The following GRM7 variants were observed in gnomAD, a reference collection of about 807,000 sequenced individuals.
GRM7 encodes the protein metabotropic glutamate receptor 7.
GRM7 carries 35 observed loss-of-function variants against 84.5 expected under a neutral mutation model. The observed-to-expected ratio is 0.41, with a 90% CI of 0.32 to 0.55. The LOEUF (loss-of-function observed/expected upper bound fraction) is 0.55, where lower values mean the gene tolerates loss of function less well. Ranked by LOEUF, GRM7 falls within the 20% of genes least tolerant of loss-of-function variation. The pLI is 0.19. For synonymous variants in GRM7, 487 were observed against 455.1 expected (o/e 1.07, Z -0.89); for missense variants, 1,003 against 1,194.6 (o/e 0.84, Z 2.36).
intron 2 of GRM7, among the ~76,000 whole-genome samples, chr3:7,193,888 A>G (rs1348971242): frequency 6.6e-6 from 1 of 152,146 alleles, no homozygotes; most frequent in Non-Finnish European, 1.5e-5. Flanking sequence ...GTGAGATGAC[A>G]TCCATTAGTG....
chr3:7,459,680 C>A (rs2124904766), intron 6 of GRM7, among the ~76,000 whole-genome samples: 1 of 152,200 alleles, frequency 6.6e-6, no homozygotes, highest in East Asian at 1.9e-4. Flanking sequence ...CCGCATGATT[C>A]AATTATGTCC....
At chr3:7,202,412 C>G (rs2125114806) in intron 2 of GRM7, among the ~76,000 whole-genome samples, 1 of 152,182 alleles carries the variant, frequency 6.6e-6, no homozygotes, top group African/African-American at 2.4e-5. Flanking sequence ...CTTACTGCAA[C>G]CTCTGCCTCC....
At chr3:7,095,023 G>A (rs144793445) in intron 1 of GRM7, among the ~76,000 whole-genome samples, 223 of 150,672 alleles carry the variant, frequency 1.5e-3, no homozygotes, top group African/African-American at 5.1e-3. Context: ...GCCCATCCCT[G>A]TTGCATTAAT....
chr3:7,190,242 T>C (rs1251974459), intron 2 of GRM7, among the ~76,000 whole-genome samples: 1 of 152,122 alleles, frequency 6.6e-6, no homozygotes, highest in African/African-American at 2.4e-5. Flanking sequence ...TTCAGAAGCA[T>C]GGTGATCAGA....
At position 7,174,345 on chromosome 3, in the gene GRM7, A is replaced by G. The variant is rs567497189; in HGVS notation, c.736+27677A>G. On this transcript the variant is annotated intron_variant, in intron 2 of 9. Coordinates refer to ENST00000357716, the MANE Select transcript of GRM7 (RefSeq NM_000844.4). ...AAGAAAAAGAAACCACTAAAAACAT[A>G]TTAAAGATAAGAGTGACATCATAGT... Among the ~76,000 whole-genome samples, 134 of 152,362 alleles carry G rather than the reference A, an allele frequency of 8.8e-4. No homozygotes were observed. The Middle Eastern group carries it at 0.01, about 12-fold the overall frequency.
At chr3:7,579,601 T>G (rs1695145755) in intron 8 of GRM7, among the ~76,000 whole-genome samples, 1 of 152,206 alleles carries the variant, frequency 6.6e-6, no homozygotes, top group South Asian at 2.1e-4. Flanking sequence ...ATAGAATTAT[T>G]AAATGTAATG....
intron 1 of GRM7, among the ~76,000 whole-genome samples, chr3:7,134,996 T>C (rs1345643673): frequency 1.3e-5 from 2 of 152,190 alleles, no homozygotes; most frequent in East Asian, 3.9e-4. Flanking sequence ...CACAGAATGC[T>C]GAAGGTGTTT....
intron 7 of GRM7, 100 bp downstream of exon 7, chr3:7,461,822 A>C (rs1007527029): frequency 9.2e-7 from 1 of 1,091,752 alleles, no homozygotes; most frequent in Non-Finnish European, 1.4e-6. Context: ...GTTTGTGTGC[A>C]TATACAAGTG....
At chr3:7,495,482 G>A (rs747563081) in intron 7 of GRM7, among the ~76,000 whole-genome samples, 7 of 152,088 alleles carry the variant, frequency 4.6e-5, no homozygotes, top group Admixed American at 1.3e-4. Flanking sequence ...GGGAGAAAAG[G>A]CTCAGACCCG....
At chr3:7,211,015 G>A (rs562441454) in intron 2 of GRM7, among the ~76,000 whole-genome samples, 83 of 152,144 alleles carry the variant, frequency 5.5e-4, no homozygotes, top group African/African-American at 1.9e-3. Context: ...TTCATTCCCA[G>A]GTGAAAAGGC....
rs372814664 is a variant in GRM7, at chr3:7,364,771, G to GT, written c.1034-50246dup. 2.2e-4 allele frequency among the ~76,000 whole-genome samples: 34 copies of GT among 151,908 alleles called. No individual in the cohort carries two copies. In the East Asian group the frequency reaches 6.4e-3, roughly 29 times the overall value. On this transcript the variant is annotated intron_variant, in intron 4 of 9. Coordinates refer to ENST00000357716, the MANE Select transcript of GRM7 (RefSeq NM_000844.4). ...TGCTCACTGAGTTCCAAATTTCACA[G>GT]TTTTTTCTCCTTATTTTTAATGCAA...
intron 7 of GRM7, among the ~76,000 whole-genome samples, chr3:7,514,052 C>A (rs946972636): frequency 6.6e-6 from 1 of 152,208 alleles, no homozygotes; most frequent in Non-Finnish European, 1.5e-5. Flanking sequence ...AAGCTGGGGG[C>A]CATGATGGCA....
chr3:7,438,756 G>A (rs778807536), intron 5 of GRM7, among the ~76,000 whole-genome samples: 4 of 152,154 alleles, frequency 2.6e-5, no homozygotes, highest in Non-Finnish European at 4.4e-5. Flanking sequence ...AAAGGTAAGA[G>A]AGCTCTGTAT....
Position 7,069,059 on chromosome 3 carries a change from T to TTATA in GRM7, c.520-77381_520-77378dup, listed in dbSNP as rs58544723. 4.8e-3 allele frequency among the ~76,000 whole-genome samples: 717 copies of TTATA among 149,296 alleles called. 4 individuals are homozygous for TTATA. Among genetic ancestry groups the TTATA allele is most frequent in the African/African-American group, 0.016 (660 of 40,820 alleles). On this transcript the variant is annotated intron_variant, in intron 1 of 9. Coordinates refer to ENST00000357716, the MANE Select transcript of GRM7 (RefSeq NM_000844.4). ...ATATACGATGATGATATACATAATT[T>TTATA]TATATATATATATATCATATATTAA... is the stretch of plus-strand genomic sequence containing the variant.
intron 1 of GRM7, among the ~76,000 whole-genome samples, chr3:6,885,068 C>G (rs757809255): frequency 1.1e-4 from 16 of 152,102 alleles, no homozygotes; most frequent in Non-Finnish European, 1.8e-4. Flanking sequence ...TAAGTCTGAG[C>G]AGATGAGAAT....
intron 8 of GRM7, among the ~76,000 whole-genome samples, chr3:7,663,656 C>T (rs1251587445): frequency 6.6e-6 from 1 of 152,160 alleles, no homozygotes; most frequent in African/African-American, 2.4e-5. Flanking sequence ...TTTCAAAATT[C>T]TAATTTTCTT....
intron 2 of GRM7, among the ~76,000 whole-genome samples, chr3:7,251,074 A>G (rs1222621063): frequency 6.6e-6 from 1 of 152,134 alleles, no homozygotes; most frequent in African/African-American, 2.4e-5. Context: ...ACTTGGTTAG[A>G]TTGTGAAGTG....
At chr3:7,271,487 A>G (rs1425340161) in intron 2 of GRM7, among the ~76,000 whole-genome samples, 2 of 143,998 alleles carry the variant, frequency 1.4e-5, no homozygotes, top group Non-Finnish European at 3.0e-5. Context: ...TGAACCCGGG[A>G]GGCGGAGCTT....
intron 8 of GRM7, among the ~76,000 whole-genome samples, chr3:7,620,698 T>C (rs558242549): frequency 6.6e-6 from 1 of 152,296 alleles, no homozygotes; most frequent in South Asian, 2.1e-4. Flanking sequence ...GTTACTTTTC[T>C]CTTCATTTTT....
Sources: gnomAD v4.1 joint callset for allele counts (sites outside exome capture counted in the v4.1 genomes callset) on GRCh38, gnomAD v4.1.1 for gene constraint, MANE v1.5 for transcripts, NCBI Gene and HGNC (gene_info 2026-07-23, HGNC 2026-07-21) for gene names.